CENPQ: variants seen among roughly 807,000 people sequenced by gnomAD.
CENPQ encodes centromere protein Q, also known as chromosome 6 open reading frame 139.
In CENPQ, 27 loss-of-function variants were observed where a neutral mutation model predicts 36.6. That is an observed-to-expected ratio of 0.74 (90% confidence interval 0.54 to 1.02). CENPQ has a LOEUF of 1.02. Ranked by LOEUF, CENPQ falls within the 50% of genes least tolerant of loss-of-function variation. The probability of loss-of-function intolerance (pLI) is 0.00; values close to 1 mark genes in which losing one functional copy is unlikely to be tolerated. For missense variants in CENPQ, 306 were observed against 301.8 expected, an observed-to-expected ratio of 1.01 and a Z score of -0.10; for synonymous variants, 101 against 101.7, an observed-to-expected ratio of 0.99 and a Z score of 0.04.
intron 6 of CENPQ, among the ~76,000 whole-genome samples, chr6:49,485,981 G>C (rs1388931239): frequency 6.6e-6 from 1 of 152,072 alleles, no homozygotes; most frequent in East Asian, 1.9e-4. Context: ...CTAGGAAAAG[G>C]GTCTTGTCCA....
chr6:49,464,212 T>A (rs1561962389), intron 1 of CENPQ, among the ~76,000 whole-genome samples: 1 of 152,176 alleles, frequency 6.6e-6, no homozygotes, highest in Non-Finnish European at 1.5e-5. Flanking sequence ...CCAGTGCATA[T>A]AACAGTTGTA....
At chr6:49,480,114 A>G (rs905153765) in intron 5 of CENPQ, among the ~76,000 whole-genome samples, 3 of 152,114 alleles carry the variant, frequency 2.0e-5, no homozygotes, top group Admixed American at 6.5e-5. Flanking sequence ...ATTTTTTTTT[A>G]ATTAAGATTT....
intron 6 of CENPQ, among the ~76,000 whole-genome samples, chr6:49,481,889 G>A (rs565902457): frequency 3.3e-5 from 5 of 152,274 alleles, no homozygotes; most frequent in East Asian, 3.9e-4. Context: ...AGCACTCATC[G>A]GGGAGGCTTG....
intron 6 of CENPQ, among the ~76,000 whole-genome samples, chr6:49,483,071 T>A (rs576581200): frequency 6.6e-6 from 1 of 152,280 alleles, no homozygotes; most frequent in Non-Finnish European, 1.5e-5. Context: ...CCCACCCACA[T>A]CCTGCTGATT....
intron 5 of CENPQ, among the ~76,000 whole-genome samples, chr6:49,480,298 C>G (rs1286231511): frequency 1.3e-5 from 2 of 152,170 alleles, no homozygotes; most frequent in African/African-American, 4.8e-5. Flanking sequence ...ATTTTGCAGT[C>G]TGCCAGATGT....
chr6:49,480,642 A>G lies in CENPQ; in HGVS notation c.348-309A>G, dbSNP rs541966178. Among the ~76,000 whole-genome samples, 5 of 151,186 alleles carry G rather than the reference A, an allele frequency of 3.3e-5. No homozygotes were observed. The South Asian group carries it at 1.0e-3, about 31-fold the overall frequency. ...CATGTAGTGTAATAGTCTAGAAAAC[A>G]TCTGGATGATAAAAGGAAATTTTGG... is the stretch of plus-strand genomic sequence containing the variant. On this transcript the variant is annotated intron_variant, in intron 5 of 8. Transcript: ENST00000335783.
At chr6:49,490,884 T>G (rs978032859) in intron 8 of CENPQ, among the ~76,000 whole-genome samples, 1 of 152,224 alleles carries the variant, frequency 6.6e-6, no homozygotes, top group Non-Finnish European at 1.5e-5. Context: ...GTTGCAGTTA[T>G]GGCACCCAGA....
chr6:49,463,621 G>GA (rs1561962099), intron 1 of CENPQ, among the ~76,000 whole-genome samples, 168 bp downstream of exon 1: 1 of 152,130 alleles, frequency 6.6e-6, no homozygotes, highest in African/African-American at 2.4e-5. Flanking sequence ...AGGATCCTGA[G>GA]ATTGAGATGT....
chr6:49,483,396 C>T (rs1261154634), intron 6 of CENPQ, among the ~76,000 whole-genome samples: 1 of 152,204 alleles, frequency 6.6e-6, no homozygotes, highest in Non-Finnish European at 1.5e-5. Context: ...GTGGAGCTGC[C>T]TGCCAGTCCT....
intron 1 of CENPQ, among the ~76,000 whole-genome samples, chr6:49,468,454 C>A (rs373325626): frequency 6.6e-6 from 1 of 150,838 alleles, no homozygotes. Flanking sequence ...ATTAGCTGGG[C>A]GTGGTGGGGG....
chr6:49,482,765 C>G (rs1768472710), intron 6 of CENPQ, among the ~76,000 whole-genome samples: 1 of 152,060 alleles, frequency 6.6e-6, no homozygotes, highest in Non-Finnish European at 1.5e-5. Context: ...GGTTCTTGGT[C>G]TCACTGACTT....
At chr6:49,468,576 G>A (rs1768058159) in intron 1 of CENPQ, among the ~76,000 whole-genome samples, 1 of 152,012 alleles carries the variant, frequency 6.6e-6, no homozygotes, top group Admixed American at 6.6e-5. Flanking sequence ...CAGCCCAAGC[G>A]ACAGTGCAAG....
intron 6 of CENPQ, among the ~76,000 whole-genome samples, chr6:49,485,076 G>A (rs1385879099): frequency 2.0e-5 from 3 of 152,180 alleles, no homozygotes; most frequent in Non-Finnish European, 2.9e-5. Context: ...TCACTCAGAA[G>A]AAGCACCGCT....
intron 1 of CENPQ, among the ~76,000 whole-genome samples, chr6:49,469,689 A>G (rs903803765): frequency 6.6e-6 from 1 of 152,208 alleles, no homozygotes. Context: ...AATCCTAAAA[A>G]GTGTCTCCTT....
At chr6:49,466,387 C>T (rs1245496952) in intron 1 of CENPQ, among the ~76,000 whole-genome samples, 1 of 152,202 alleles carries the variant, frequency 6.6e-6, no homozygotes, top group Non-Finnish European at 1.5e-5. Context: ...AGGCTTGCCA[C>T]AAACCTTTAG....
chr6:49,482,988 C>T (rs1326809788), intron 6 of CENPQ, among the ~76,000 whole-genome samples: 1 of 152,074 alleles, frequency 6.6e-6, no homozygotes, highest in Non-Finnish European at 1.5e-5. Context: ...ACAAAGCTTC[C>T]ATAGTGTGGA....
At position 49,480,985 on chromosome 6, in the gene CENPQ, C is replaced by A. The variant is rs1232256337; in HGVS notation, c.382C>A (p.Pro128Thr). Residue 128 changes from proline to threonine, a missense_variant, in exon 6 of 9, where the codon CCC (proline) becomes ACC (threonine). Coordinates refer to ENST00000335783, the MANE Select transcript of CENPQ (RefSeq NM_018132.4). Reference protein sequence around the residue: ...LQQCETLKVPPKKMEDLTNVS... With the variant: ...LQQCETLKVPTKKMEDLTNVS... Reference sequence around the variant, plus strand: ...ACAGTGTGAAACTCTGAAAGTCCCTCCCAAAAAGATGGAAGATTTAACTAA... The same window carrying A: ...ACAGTGTGAAACTCTGAAAGTCCCTACCAAAAAGATGGAAGATTTAACTAA... The A allele has an allele frequency of 1.9e-6, 3 of 1,607,396 alleles. No individual in the cohort carries two copies. The highest frequency in any genetic ancestry group is 1.3e-5 in the African/African-American group (1 of 74,666).
In CENPQ at chr6:49,482,995, T is replaced by C. The variant is rs1768479187; in HGVS notation, c.477+1915T>C. Among the ~76,000 whole-genome samples the C allele has an allele frequency of 2.6e-5, 4 of 152,178 alleles. No homozygotes were observed. In the South Asian group the frequency reaches 8.3e-4, roughly 32 times the overall value. On this transcript the variant is annotated intron_variant, in intron 6 of 8. Transcript: ENST00000335783. ...GCAAAAGAACAAAGCTTCCATAGTG[T>C]GGAAGGGGACCCAAGCGGGTTGCCA...
intron 6 of CENPQ, among the ~76,000 whole-genome samples, chr6:49,486,493 GA>G (rs966620748): frequency 6.6e-6 from 1 of 152,118 alleles, no homozygotes; most frequent in Non-Finnish European, 1.5e-5. Flanking sequence ...TAGCCCATGG[GA>G]AATTCCACAG....
Sources: allele counts gnomAD v4.1 joint callset (sites outside exome capture counted in the v4.1 genomes callset), GRCh38; gene constraint gnomAD v4.1.1; transcripts MANE v1.5; gene names NCBI Gene and HGNC (gene_info 2026-07-23, HGNC 2026-07-21).